MOV10: variants seen among roughly 807,000 people sequenced by gnomAD.
MOV10 encodes the protein Mov10 RNA helicase.
A neutral mutation model predicts 108.4 loss-of-function variants in MOV10; 39 were observed. The observed-to-expected ratio is 0.36, with a 90% confidence interval of 0.28 to 0.47. The LOEUF (loss-of-function observed/expected upper bound fraction) is 0.47, where lower values mean the gene tolerates loss of function less well. MOV10 is among the 20% of genes least tolerant of loss of function. MOV10 has a pLI of 1.00. For missense variants in MOV10, 952 were observed against 1,297.6 expected (o/e 0.73, Z 4.09); for synonymous variants, 490 against 523.1 (o/e 0.94, Z 0.86).
intron 17 of MOV10, chr1:112,699,332 C>T (rs1312549626): frequency 7.1e-6 from 3 of 420,120 alleles, no homozygotes; most frequent in Non-Finnish European, 1.1e-5. Context: ...AAATTCTGAT[C>T]GGGGGTCCGG....
At chr1:112,688,521 C>G in intron 2 of MOV10, 1 of 1,091,280 alleles carries the variant, frequency 9.2e-7, no homozygotes. Context: ...CCCTCTGAAT[C>G]AAATCATTCC....
chr1:112,688,193 C>T (rs530074072), intron 2 of MOV10: 188 of 209,546 alleles, frequency 9.0e-4, no homozygotes, highest in African/African-American at 4.0e-3. Context: ...CTTTGAACCC[C>T]TAGCATCCAG....
intron 7 of MOV10, 88 bp downstream of exon 7, chr1:112,693,017 G>A: frequency 7.7e-7 from 1 of 1,293,336 alleles, no homozygotes; most frequent in Non-Finnish European, 1.1e-6. Context: ...CAGCAGGGCA[G>A]AACAAGAGGA....
chr1:112,700,495 G>A lies in MOV10; in HGVS notation c.3000G>A (p.Arg1000=). 5.0e-6 allele frequency: 8 copies of A among 1,613,646 alleles called. No individual in the cohort carries two copies. The highest frequency in any genetic ancestry group is 6.8e-6 in the Non-Finnish European group (8 of 1,179,796). Residue 1000 remains arginine, a synonymous_variant, in exon 21 of 21, where the codon AGG becomes AGA. Coordinates refer to ENST00000369645, the MANE Select transcript of MOV10 (RefSeq NM_001321324.2). ...CTCTGCAAGTGGAGCCAGAGTGGAG[G>A]AATGAGCTCTGAAGACACAGCACCC... The part of the protein sequence containing the change: ...GLSLQVEPEW[R]NEL
chr1:112,699,686 TG>T lies in MOV10; in HGVS notation c.2588del (p.Gly863ValfsTer3). On this transcript the variant is annotated frameshift_variant and splice_region_variant, in exon 18 of 21. Transcript: ENST00000369645. LOFTEE classifies it high-confidence loss of function. ...RGLDDIKDLK[V>X]GSVEEFQGQE... Reference sequence around the variant, plus strand: ...AGGCCCTGCCTCTTTCCCCACTAGGTGGGTTCAGTAGAAGAATTCCAAGGCC... The same window carrying T: ...AGGCCCTGCCTCTTTCCCCACTAGGTGGTTCAGTAGAAGAATTCCAAGGCC... The T allele has an allele frequency of 6.2e-7, 1 of 1,614,124 alleles. No individual in the cohort carries two copies. The highest frequency in any genetic ancestry group is 8.5e-7 in the Non-Finnish European group (1 of 1,180,010).
chr1:112,693,440 G>A (rs571560834), intron 7 of MOV10, among the ~76,000 whole-genome samples: 1 of 152,316 alleles, frequency 6.6e-6, no homozygotes, highest in Admixed American at 6.5e-5. Context: ...GCAATGGCAT[G>A]ATCTTGGCTC....
chr1:112,696,885 C>A, intron 14 of MOV10, 39 bp downstream of exon 14: 1 of 1,497,356 alleles, frequency 6.7e-7, no homozygotes, highest in Non-Finnish European at 9.1e-7. Flanking sequence ...ATATCCTATG[C>A]TTTCACATCC....
At chr1:112,679,637 T>C (rs1184838755) in intron 2 of MOV10, among the ~76,000 whole-genome samples, 3 of 151,906 alleles carry the variant, frequency 2.0e-5, no homozygotes, top group Non-Finnish European at 4.4e-5. Context: ...AACAGTTAAC[T>C]GGAACCTAGA....
At chr1:112,683,086 ATT>A (rs568584382) in intron 2 of MOV10, among the ~76,000 whole-genome samples, 3 of 144,434 alleles carry the variant, frequency 2.1e-5, no homozygotes, top group Non-Finnish European at 1.5e-5. Context: ...CGCCTGGCTA[ATT>A]TTTTTTTTTT....
chr1:112,685,344 G>A (rs1343029474), intron 2 of MOV10, among the ~76,000 whole-genome samples: 1 of 151,892 alleles, frequency 6.6e-6, no homozygotes, highest in Non-Finnish European at 1.5e-5. Flanking sequence ...GTCTTGGTTA[G>A]AAAGTTTTTC....
chr1:112,685,631 G>A (rs1380261235), intron 2 of MOV10, among the ~76,000 whole-genome samples: 1 of 142,026 alleles, frequency 7.0e-6, no homozygotes, highest in Non-Finnish European at 1.5e-5. Flanking sequence ...CTCCAGCCTG[G>A]TGATAGAGCA....
chr1:112,698,910 A>T (rs949472844), intron 17 of MOV10, 121 bp downstream of exon 17: 2 of 834,438 alleles, frequency 2.4e-6, no homozygotes, highest in Non-Finnish European at 4.1e-6. Flanking sequence ...TGCCTTGAAT[A>T]GAGCTCGAGC....
intron 2 of MOV10, among the ~76,000 whole-genome samples, chr1:112,686,280 G>T (rs1673074837): frequency 6.6e-6 from 1 of 152,216 alleles, no homozygotes; most frequent in South Asian, 2.1e-4. Flanking sequence ...GTGAAGCATA[G>T]CTGCTGTAGG....
At position 112,694,640 on chromosome 1, in the gene MOV10, G is replaced by A. The variant is rs755950214; in HGVS notation, c.1472+11G>A. ...AGATGTGAAACTCAAGTGAGACTGT[G>A]GGCAGGGAGCTTCTGGAGCCACTTG... On this transcript the variant is annotated intron_variant, in intron 9 of 20. Transcript: ENST00000369645. This position sits in a 1 kb window ranked among gnomAD's most constrained non-coding sequence, Gnocchi z 4.1. The A allele has an allele frequency of 1.3e-6, 2 of 1,594,446 alleles. No individual in the cohort carries two copies. The highest frequency in any genetic ancestry group is 1.1e-5 in the South Asian group (1 of 87,880).
chr1:112,688,504 C>A, intron 2 of MOV10: 1 of 1,076,268 alleles, frequency 9.3e-7, no homozygotes, highest in Non-Finnish European at 1.1e-6. Flanking sequence ...CTGGACCCCA[C>A]ATCCACCCCT....
intron 2 of MOV10, among the ~76,000 whole-genome samples, chr1:112,684,203 A>T (rs375886774): frequency 7.2e-6 from 1 of 139,416 alleles, no homozygotes; most frequent in East Asian, 2.1e-4. Context: ...TGATCCTCCC[A>T]CCTCAGCCTC....
intron 6 of MOV10, 101 bp downstream of exon 6, chr1:112,691,900 C>T (rs530375514): frequency 6.7e-5 from 89 of 1,324,952 alleles, no homozygotes; most frequent in Non-Finnish European, 9.1e-5. Flanking sequence ...AGGCTGTATT[C>T]ATTCATTCCC....
At position 112,698,119 on chromosome 1, in the gene MOV10, T is replaced by G. The variant is rs1435762597; in HGVS notation, c.2316+8T>G. 1 of 1,612,694 alleles carries G rather than the reference T, an allele frequency of 6.2e-7. No homozygotes were observed. The highest frequency in any genetic ancestry group is 8.5e-7 in the Non-Finnish European group (1 of 1,178,904). On this transcript the variant is annotated splice_region_variant and intron_variant, in intron 15 of 20. Transcript: ENST00000369645. ...GCGGGCCTACCTCGACAGGTGAGGCTGAGCAGGGCAGGCCCCACCCCTGTA... is the reference window on the plus strand; with the variant it reads ...GCGGGCCTACCTCGACAGGTGAGGCGGAGCAGGGCAGGCCCCACCCCTGTA...
chr1:112,700,684 AT>A lies in MOV10; in HGVS notation c.*179del, dbSNP rs1233703786. ...AGAATGACACATCAAGCTGCTAACA[AT>A]TGGGGGAAGGGGAAGGAAGAAAACT... On this transcript the variant is annotated 3_prime_UTR_variant, in exon 21 of 21. Transcript: ENST00000369645. 1.3e-6 allele frequency: 2 copies of A among 1,528,222 alleles called. No homozygotes were observed. Among genetic ancestry groups the A allele is most frequent in the Non-Finnish European group, 1.7e-6 (2 of 1,143,216 alleles). The allele number at this position is 1,528,222 out of a possible 1,614,324, so 94.7% of individuals were successfully genotyped here.
Sources: gnomAD v4.1 joint callset for allele counts (sites outside exome capture counted in the v4.1 genomes callset) on GRCh38, gnomAD v4.1.1 for gene constraint, Gnocchi (gnomAD v3.1) non-coding constraint, MANE v1.5 for transcripts, NCBI Gene and HGNC (gene_info 2026-07-23, HGNC 2026-07-21) for gene names.